Variants in CACNB2 observed in about 807,000 individuals in gnomAD.
CACNB2 encodes calcium voltage-gated channel auxiliary subunit beta 2.
CACNB2 carries 42 observed loss-of-function variants against 73.3 expected under a neutral mutation model. That is an observed-to-expected ratio of 0.57 (90% CI 0.45 to 0.74). The LOEUF is 0.74. Among genes scored for constraint, CACNB2 ranks in the 30% least tolerant of loss-of-function variants. The pLI is 0.00. For synonymous variants in CACNB2, 348 were observed against 310.3 expected, an observed-to-expected ratio of 1.12 and a Z score of -1.28; for missense variants, 940 against 853.0, an observed-to-expected ratio of 1.10 and a Z score of -1.27.
chr10:18,473,121 T>C (rs569694305), intron 3 of CACNB2, among the ~76,000 whole-genome samples: 1 of 152,326 alleles, frequency 6.6e-6, no homozygotes, highest in South Asian at 2.1e-4. Context: ...TGTGGTGCTT[T>C]TGAAGGTCAT....
Position 18,253,537 on chromosome 10 carries a change from A to G in CACNB2, c.213+102562A>G, listed in dbSNP as rs76087353. Reference sequence around the variant, plus strand: ...AGATTTGTTCATGAAATGTTACACTATGAATAGCCTTTCTTGTCTTTTGCC... The same window carrying G: ...AGATTTGTTCATGAAATGTTACACTGTGAATAGCCTTTCTTGTCTTTTGCC... On this transcript the variant is annotated intron_variant, in intron 2 of 13. Transcript: ENST00000324631. Among the ~76,000 whole-genome samples, 76 of 152,276 alleles carry G rather than the reference A, an allele frequency of 5.0e-4. 1 individual carries two copies. The East Asian group carries it at 0.012, about 24-fold the overall frequency.
rs1589237283 is a variant in CACNB2, at chr10:18,397,524, T to C, written c.214-4400T>C. Among the ~76,000 whole-genome samples, 10 of 151,038 alleles carry C rather than the reference T, an allele frequency of 6.6e-5. No homozygotes were observed. In the South Asian group the frequency reaches 2.1e-3, roughly 32 times the overall value. On this transcript the variant is annotated intron_variant, in intron 2 of 13. Transcript: ENST00000324631. ...CTTGTGTGAACGTTAGACATAAAAG[T>C]GGAAAAACAATGAAACCCCGTCTCT...
intron 2 of CACNB2, among the ~76,000 whole-genome samples, chr10:18,300,224 A>G (rs528366608): frequency 1.3e-5 from 2 of 152,032 alleles, no homozygotes; most frequent in African/African-American, 4.8e-5. Context: ...GTTTCACTCT[A>G]TTGGTCAGGC....
intron 2 of CACNB2, among the ~76,000 whole-genome samples, chr10:18,373,695 T>C (rs956489680): frequency 1.3e-5 from 2 of 152,224 alleles, no homozygotes; most frequent in African/African-American, 4.8e-5. Flanking sequence ...TTAGCCTAGA[T>C]GTTCCTTCAG....
At chr10:18,211,018 G>A (rs1284404790) in intron 2 of CACNB2, among the ~76,000 whole-genome samples, 1 of 152,180 alleles carries the variant, frequency 6.6e-6, no homozygotes, top group Non-Finnish European at 1.5e-5. Flanking sequence ...TAGAATTGCT[G>A]TGAAGATTAA....
At chr10:18,438,836 G>A (rs777594152) in intron 3 of CACNB2, among the ~76,000 whole-genome samples, 1 of 152,166 alleles carries the variant, frequency 6.6e-6, no homozygotes, top group Non-Finnish European at 1.5e-5. Context: ...AAGTCCTCAT[G>A]TGACATGTTT....
chr10:18,250,740 T>C (rs1185382233), intron 2 of CACNB2, among the ~76,000 whole-genome samples: 2 of 152,254 alleles, frequency 1.3e-5, no homozygotes, highest in Non-Finnish European at 2.9e-5. Flanking sequence ...TTTGGCTTCC[T>C]CCATTTCCGT....
chr10:18,163,933 T>C (rs952421275), intron 2 of CACNB2, among the ~76,000 whole-genome samples: 1 of 152,024 alleles, frequency 6.6e-6, no homozygotes, highest in Non-Finnish European at 1.5e-5. Context: ...CAGAGTGGAA[T>C]TGTGGGAAGG....
chr10:18,267,568 T>G (rs986753387), intron 2 of CACNB2, among the ~76,000 whole-genome samples: 1 of 152,098 alleles, frequency 6.6e-6, no homozygotes, highest in African/African-American at 2.4e-5. Context: ...ATCACACCAC[T>G]GCACTCCAGC....
chr10:18,456,805 T>C (rs932644608), intron 3 of CACNB2, among the ~76,000 whole-genome samples: 1 of 152,238 alleles, frequency 6.6e-6, no homozygotes, highest in Non-Finnish European at 1.5e-5. Flanking sequence ...ACCCATGTTA[T>C]AGCATTTATC....
At chr10:18,287,139 G>C (rs751666656) in intron 2 of CACNB2, among the ~76,000 whole-genome samples, 1 of 151,970 alleles carries the variant, frequency 6.6e-6, no homozygotes, top group African/African-American at 2.4e-5. Context: ...GACCGGCCTA[G>C]CCAACATAGT....
chr10:18,348,749 C>T (rs948633768), intron 2 of CACNB2, among the ~76,000 whole-genome samples: 1 of 152,150 alleles, frequency 6.6e-6, no homozygotes, highest in Non-Finnish European at 1.5e-5. Context: ...GTGATCCACC[C>T]GCCTTGGCCT....
intron 2 of CACNB2, among the ~76,000 whole-genome samples, chr10:18,245,468 T>C (rs569713140): frequency 4.7e-4 from 72 of 152,202 alleles, no homozygotes; most frequent in African/African-American, 1.7e-3. Context: ...CTTACAGGCA[T>C]GCACCATCAT....
At chr10:18,327,097 C>T (rs1258791118) in intron 2 of CACNB2, among the ~76,000 whole-genome samples, 4 of 151,980 alleles carry the variant, frequency 2.6e-5, no homozygotes, top group African/African-American at 7.3e-5. Flanking sequence ...GTCAAATTTC[C>T]ATGATATTAA....
intron 3 of CACNB2, among the ~76,000 whole-genome samples, chr10:18,459,593 A>G (rs2047456863): frequency 6.6e-6 from 1 of 152,228 alleles, no homozygotes; most frequent in Non-Finnish European, 1.5e-5. Flanking sequence ...AAAACAGCAA[A>G]TAGTTATTTC....
At chr10:18,204,920 A>T (rs1473185927) in intron 2 of CACNB2, among the ~76,000 whole-genome samples, 1 of 150,304 alleles carries the variant, frequency 6.7e-6, no homozygotes, top group Non-Finnish European at 1.5e-5. Context: ...ATATTTAATG[A>T]GTTCCTACTA....
intron 2 of CACNB2, among the ~76,000 whole-genome samples, chr10:18,162,724 C>G (rs2131100333): frequency 6.6e-6 from 1 of 152,264 alleles, no homozygotes; most frequent in South Asian, 2.1e-4. Flanking sequence ...AATTAGTAAA[C>G]CAAGGCATGA....
At chr10:18,331,131 G>T (rs987745845) in intron 2 of CACNB2, among the ~76,000 whole-genome samples, 1 of 151,738 alleles carries the variant, frequency 6.6e-6, no homozygotes, top group Non-Finnish European at 1.5e-5. Flanking sequence ...GACTACAGGC[G>T]TGCGCCACCA....
chr10:18,389,017 G>A (rs2043351385), intron 2 of CACNB2, among the ~76,000 whole-genome samples: 1 of 152,162 alleles, frequency 6.6e-6, no homozygotes, highest in African/African-American at 2.4e-5. Context: ...TACTTTGTGA[G>A]AAATTTCAAT....
Sources: allele counts gnomAD v4.1 joint callset (sites outside exome capture counted in the v4.1 genomes callset), GRCh38; gene constraint gnomAD v4.1.1; transcripts MANE v1.5; gene names NCBI Gene and HGNC (gene_info 2026-07-23, HGNC 2026-07-21).